Variants in ANKS1B observed in about 807,000 individuals in gnomAD.
ANKS1B encodes the protein ankyrin repeat and sterile alpha motif domain-containing protein 1B.
A neutral mutation model predicts 148.3 loss-of-function variants in ANKS1B; 36 were observed. That is an observed-to-expected ratio of 0.24 (90% CI 0.19 to 0.32). The LOEUF (loss-of-function observed/expected upper bound fraction) is 0.32. Among genes scored for constraint, ANKS1B ranks in the 10% least tolerant of loss-of-function variants. The pLI, the probability that ANKS1B is intolerant of heterozygous loss-of-function variation, is 1.00. For missense variants in ANKS1B, 1,157 were observed against 1,542.6 expected (o/e 0.75, Z 4.19); for synonymous variants, 542 against 560.8 (o/e 0.97, Z 0.47).
At chr12:99,234,260 C>T (rs910945201) in intron 14 of ANKS1B, among the ~76,000 whole-genome samples, 1 of 152,104 alleles carries the variant, frequency 6.6e-6, no homozygotes, top group Non-Finnish European at 1.5e-5. Context: ...CAAGCAAAAG[C>T]AGTATGATCA....
chr12:99,141,379 G>C (rs903496446), intron 15 of ANKS1B, among the ~76,000 whole-genome samples: 1 of 151,126 alleles, frequency 6.6e-6, no homozygotes, highest in African/African-American at 2.4e-5. Context: ...GCCAAATTCA[G>C]TGGCTACTTC....
intron 14 of ANKS1B, among the ~76,000 whole-genome samples, chr12:99,168,015 G>A (rs1433468353): frequency 2.0e-5 from 3 of 152,180 alleles, no homozygotes; most frequent in Non-Finnish European, 2.9e-5. Context: ...TATAGTGACA[G>A]AAAACAGATC....
chr12:98,791,825 C>T (rs980826426), intron 22 of ANKS1B, among the ~76,000 whole-genome samples: 1 of 152,178 alleles, frequency 6.6e-6, no homozygotes, highest in Non-Finnish European at 1.5e-5. Context: ...CAACTTGTCA[C>T]AGAAGGAATT....
intron 12 of ANKS1B, among the ~76,000 whole-genome samples, chr12:99,395,247 A>C (rs73151165): frequency 0.13 from 20,165 of 152,144 alleles, 1,401 homozygotes; most frequent in African/African-American, 0.17. Flanking sequence ...TAATCCTCAT[A>C]AAATAGAAGT....
At chr12:99,691,961 G>C (rs1028080787) in intron 8 of ANKS1B, among the ~76,000 whole-genome samples, 3 of 152,198 alleles carry the variant, frequency 2.0e-5, no homozygotes, top group Non-Finnish European at 4.4e-5. Flanking sequence ...AACAACAAAA[G>C]CCAGTACAAC....
At chr12:99,186,846 C>T (rs779973588) in intron 14 of ANKS1B, among the ~76,000 whole-genome samples, 2 of 151,894 alleles carry the variant, frequency 1.3e-5, no homozygotes, top group Non-Finnish European at 2.9e-5. Flanking sequence ...TCCTCGCCAG[C>T]AAGGGAACAA....
intron 22 of ANKS1B, among the ~76,000 whole-genome samples, chr12:98,784,828 C>T (rs940781986): frequency 2.0e-5 from 3 of 152,226 alleles, no homozygotes; most frequent in Non-Finnish European, 2.9e-5. Context: ...GGAATCTCTG[C>T]TCTCCTAACT....
intron 12 of ANKS1B, among the ~76,000 whole-genome samples, chr12:99,363,862 G>A (rs1473103772): frequency 1.3e-5 from 2 of 151,952 alleles, no homozygotes; most frequent in East Asian, 1.9e-4. Flanking sequence ...ACATGTAAAC[G>A]GGAGATATAT....
chr12:99,177,008 A>G (rs1199241475), intron 14 of ANKS1B, among the ~76,000 whole-genome samples: 1 of 152,184 alleles, frequency 6.6e-6, no homozygotes, highest in Non-Finnish European at 1.5e-5. Flanking sequence ...TGCATATGAG[A>G]GGAGGTCCAA....
chr12:99,207,405 A>G (rs1027182066), intron 14 of ANKS1B, among the ~76,000 whole-genome samples: 1 of 151,944 alleles, frequency 6.6e-6, no homozygotes, highest in Admixed American at 6.6e-5. Flanking sequence ...GTCATTCTTA[A>G]CAAAACTAAA....
chr12:99,197,998 A>G (rs1356856372), intron 14 of ANKS1B, among the ~76,000 whole-genome samples: 1 of 152,024 alleles, frequency 6.6e-6, no homozygotes, highest in African/African-American at 2.4e-5. Context: ...TTCCACATCT[A>G]TCTTCCACAC....
At chr12:98,755,317 C>T (rs1214758009) in intron 25 of ANKS1B, among the ~76,000 whole-genome samples, 1 of 152,180 alleles carries the variant, frequency 6.6e-6, no homozygotes, top group Non-Finnish European at 1.5e-5. Context: ...CATCAGAAGG[C>T]TTAGGTGAGA....
At chr12:99,535,923 G>C (rs1270733747) in intron 9 of ANKS1B, among the ~76,000 whole-genome samples, 1 of 152,074 alleles carries the variant, frequency 6.6e-6, no homozygotes, top group African/African-American at 2.4e-5. Context: ...ATTTAAATTT[G>C]CTCTAATCCC....
intron 1 of ANKS1B, among the ~76,000 whole-genome samples, chr12:99,912,779 C>G (rs957288571): frequency 6.6e-6 from 1 of 151,936 alleles, no homozygotes; most frequent in Admixed American, 6.6e-5. Flanking sequence ...ATATCTATAC[C>G]TAATGTCTCT....
intron 8 of ANKS1B, among the ~76,000 whole-genome samples, chr12:99,744,021 G>T (rs1176524400): frequency 6.6e-6 from 1 of 152,064 alleles, no homozygotes; most frequent in Non-Finnish European, 1.5e-5. Flanking sequence ...CTTTATCCAT[G>T]GGTTCCACGT....
At chr12:98,940,361 G>A (rs2099834717) in intron 17 of ANKS1B, among the ~76,000 whole-genome samples, 6 of 152,220 alleles carry the variant, frequency 3.9e-5, no homozygotes, top group Admixed American at 2.6e-4. Flanking sequence ...GGCCTGTGCT[G>A]TGAGGAGGGG....
At chr12:99,814,538 T>C (rs918837384) in intron 2 of ANKS1B, among the ~76,000 whole-genome samples, 3 of 151,760 alleles carry the variant, frequency 2.0e-5, no homozygotes, top group Non-Finnish European at 4.4e-5. Flanking sequence ...AGGGTTGTTA[T>C]ATAGGGTCTT....
At chr12:99,921,907 G>A (rs996111176) in intron 1 of ANKS1B, among the ~76,000 whole-genome samples, 1 of 151,906 alleles carries the variant, frequency 6.6e-6, no homozygotes, top group Non-Finnish European at 1.5e-5. Context: ...TCTTAGACAA[G>A]TATAATTACA....
intron 9 of ANKS1B, among the ~76,000 whole-genome samples, chr12:99,609,666 G>A (rs983013942): frequency 1.3e-5 from 2 of 151,922 alleles, no homozygotes; most frequent in South Asian, 2.1e-4. Context: ...GAGATCAGGG[G>A]GGATATTCTC....
Sources: gnomAD v4.1 joint callset for allele counts (sites outside exome capture counted in the v4.1 genomes callset) on GRCh38, gnomAD v4.1.1 for gene constraint, MANE v1.5 for transcripts, NCBI Gene and HGNC (gene_info 2026-07-23, HGNC 2026-07-21) for gene names.